Variants in PVT1 observed in about 807,000 individuals in gnomAD.
PVT1 encodes the protein Pvt1 oncogene.
chr8:128,038,802 G>A (rs1246830317), intron 4 of PVT1, among the ~76,000 whole-genome samples: 1 of 152,162 alleles, frequency 6.6e-6, no homozygotes. Context: ...GGCCTTATAG[G>A]TACGTTGAAT....
rs188265604 is a variant in PVT1, at chr8:128,018,388, C to T, written n.912+29097C>T. On this transcript the variant is annotated intron_variant and non_coding_transcript_variant, in intron 4 of 10. Coordinates refer to ENST00000651587, the Ensembl canonical transcript of PVT1. ...CAGCAGCCCCTTTGTGCCTCTGTCA[C>T]CTCTGTTAGGCTCCTGGAAGCCCCC... 3.3e-5 allele frequency among the ~76,000 whole-genome samples: 5 copies of T among 152,320 alleles called. No homozygotes were observed. In the East Asian group the frequency reaches 5.8e-4, roughly 18 times the overall value.
At chr8:127,796,729 C>T (rs1814400752) in intron 2 of PVT1, among the ~76,000 whole-genome samples, 1 of 152,198 alleles carries the variant, frequency 6.6e-6, no homozygotes, top group Non-Finnish European at 1.5e-5. Context: ...TCCAGGTCGT[C>T]TGGAGAGGCA....
intron 2 of PVT1, among the ~76,000 whole-genome samples, chr8:127,870,532 G>A (rs1232617773): frequency 1.3e-5 from 2 of 152,170 alleles, no homozygotes; most frequent in Admixed American, 1.3e-4. Flanking sequence ...GGGGATTGAG[G>A]GAAGTGGAGC....
At chr8:127,934,156 A>G (rs1816244491) in intron 3 of PVT1, among the ~76,000 whole-genome samples, 1 of 152,220 alleles carries the variant, frequency 6.6e-6, no homozygotes, top group Non-Finnish European at 1.5e-5. Flanking sequence ...TCATGTTTTC[A>G]AAGGGGCAAA....
At chr8:127,977,378 G>A (rs190580516) in intron 3 of PVT1, among the ~76,000 whole-genome samples, 19 of 152,240 alleles carry the variant, frequency 1.2e-4, no homozygotes, top group Non-Finnish European at 2.5e-4. Context: ...TACTTCCTAA[G>A]CCCCCATCTG....
At chr8:127,999,186 G>A (rs1477151603) in intron 4 of PVT1, 1 of 152,134 alleles carries the variant, frequency 6.6e-6, no homozygotes, top group Non-Finnish European at 1.5e-5. Flanking sequence ...CCCAGGGTGA[G>A]GCTTATCCAT....
At chr8:127,950,969 C>A (rs1816498870) in intron 3 of PVT1, among the ~76,000 whole-genome samples, 1 of 152,198 alleles carries the variant, frequency 6.6e-6, no homozygotes, top group East Asian at 1.9e-4. Flanking sequence ...ATGATCTTGG[C>A]TCACTGCAAC....
At chr8:127,971,049 G>A (rs1306841270) in intron 3 of PVT1, among the ~76,000 whole-genome samples, 1 of 152,236 alleles carries the variant, frequency 6.6e-6, no homozygotes, top group African/African-American at 2.4e-5. Context: ...GTCTGGTCCT[G>A]ACAGAGACCC....
intron 3 of PVT1, among the ~76,000 whole-genome samples, chr8:127,968,596 G>A (rs1816728588): frequency 6.6e-6 from 1 of 152,170 alleles, no homozygotes; most frequent in Admixed American, 6.5e-5. Flanking sequence ...GGCCAGTAGG[G>A]TGTATCAGGG....
intron 2 of PVT1, among the ~76,000 whole-genome samples, chr8:127,797,763 A>T (rs1814414491): frequency 6.6e-6 from 1 of 152,216 alleles, no homozygotes; most frequent in African/African-American, 2.4e-5. Flanking sequence ...AATGTCTAGC[A>T]ATGGTAGACT....
chr8:128,087,747 C>CTTTTTTTTTTTTTTTTTTTTTTTTTTTTT (rs71568675), intron 5 of PVT1, among the ~76,000 whole-genome samples: 2 of 76,588 alleles, frequency 2.6e-5, no homozygotes, highest in African/African-American at 9.8e-5. Flanking sequence ...TGATGTGCTA[C>CTTTTTTTTTTTTTTTTTTTTTTTTTTTTT]TTTTTTTTTT....
chr8:127,991,126 T>C (rs1272398642), intron 4 of PVT1, among the ~76,000 whole-genome samples: 2 of 146,022 alleles, frequency 1.4e-5, no homozygotes, highest in African/African-American at 5.1e-5. Flanking sequence ...GTAGCTCTTT[T>C]TTTTCTTTTC....
chr8:127,990,862 T>C (rs1373176836), intron 4 of PVT1, among the ~76,000 whole-genome samples: 4 of 152,154 alleles, frequency 2.6e-5, no homozygotes, highest in African/African-American at 9.7e-5. Flanking sequence ...GTGAGGATGG[T>C]GGAGGGGATT....
chr8:128,090,536 G>A (rs1814337681), intron 5 of PVT1, among the ~76,000 whole-genome samples: 1 of 152,072 alleles, frequency 6.6e-6, no homozygotes. Flanking sequence ...AATCCTCTTT[G>A]GGAGTTCACC....
intron 3 of PVT1, among the ~76,000 whole-genome samples, chr8:127,958,839 G>A (rs976319672): frequency 2.0e-5 from 3 of 152,178 alleles, no homozygotes; most frequent in East Asian, 1.9e-4. Context: ...TGACAGCCAC[G>A]GGAGCCATGT....
At chr8:128,064,687 A>G (rs965843172) in intron 4 of PVT1, among the ~76,000 whole-genome samples, 1 of 152,242 alleles carries the variant, frequency 6.6e-6, no homozygotes, top group South Asian at 2.1e-4. Context: ...TGATATTTCA[A>G]AGACCCACAA....
At chr8:127,863,268 C>T (rs529084785) in intron 2 of PVT1, among the ~76,000 whole-genome samples, 5 of 152,074 alleles carry the variant, frequency 3.3e-5, no homozygotes, top group South Asian at 2.1e-4. Context: ...TCCGCCACTG[C>T]GCCAGCTAAT....
At chr8:127,837,724 C>T (rs186247175) in intron 2 of PVT1, among the ~76,000 whole-genome samples, 11 of 152,096 alleles carry the variant, frequency 7.2e-5, no homozygotes, top group Admixed American at 2.6e-4. Context: ...GATGGGGAAA[C>T]GGAGCCAGGG....
chr8:127,837,610 A>C (rs1443731458), intron 2 of PVT1, among the ~76,000 whole-genome samples: 1 of 152,146 alleles, frequency 6.6e-6, no homozygotes, highest in Non-Finnish European at 1.5e-5. Flanking sequence ...AAAAGGAACT[A>C]ATATTGATTG....
Sources: gnomAD v4.1 joint callset for allele counts (sites outside exome capture counted in the v4.1 genomes callset) on GRCh38, gnomAD v4.1.1 for gene constraint, MANE v1.5 for transcripts, NCBI Gene and HGNC (gene_info 2026-07-23, HGNC 2026-07-21) for gene names.